The following CLCNKB variants were observed in gnomAD, a reference collection of about 807,000 sequenced individuals.
CLCNKB encodes the protein chloride voltage-gated channel Kb, also known as chloride channel protein ClC-Kb.
CLCNKB carries 74 observed loss-of-function variants against 83.8 expected under a neutral mutation model. The observed-to-expected ratio is 0.88, with a 90% CI of 0.73 to 1.07. The LOEUF (loss-of-function observed/expected upper bound fraction) is 1.07, where lower values mean the gene tolerates loss of function less well. Among genes scored for constraint, CLCNKB ranks in the 50% least tolerant of loss-of-function variants. The pLI, the probability that CLCNKB is intolerant of heterozygous loss-of-function variation, is 0.00. For missense variants in CLCNKB, 798 were observed against 893.6 expected, an observed-to-expected ratio of 0.89 and a Z score of 1.36; for synonymous variants, 358 against 356.6, an observed-to-expected ratio of 1.00 and a Z score of -0.04.
rs2023110468 is a variant in CLCNKB, at chr1:16,046,626, T to C, written c.321T>C (p.Ser107=). The stretch of plus-strand genomic sequence containing the variant: ...ACCCTGTGGCCCTCGTCTCTTTCTC[T>C]TCAGGCTTCTCTCAGAGCATCACAC... ...TVYPVALVSF[S]SGFSQSITPS... is the part of the protein sequence containing the mutation. Residue 107 remains serine, a synonymous_variant, in exon 4 of 20, where the codon TCT becomes TCC. Coordinates refer to ENST00000375679, the MANE Select transcript of CLCNKB (RefSeq NM_000085.5). 2.5e-5 allele frequency: 40 copies of C among 1,614,028 alleles called. No individual in the cohort carries two copies. Among genetic ancestry groups the C allele is most frequent in the Non-Finnish European group, 3.1e-5 (37 of 1,180,008 alleles).
Position 16,053,710 on chromosome 1 carries a change from A to G in CLCNKB, c.1694A>G (p.Glu565Gly). ...ACACTGGCCAAGGACATGCCACTGG[A>G]GGAGGTGGTCAAGGTTGTGACCTCC... is the stretch of plus-strand genomic sequence containing the variant. The part of the protein sequence containing the change: ...ITTLAKDMPL[E>G]EVVKVVTSTD... The change falls in exon 16 of 20, where the codon GAG becomes GGG. Residue 565 changes from glutamate to glycine, a missense_variant. Physicochemically the swap from Glu to Gly is moderately conservative, Grantham distance 98 (BLOSUM62 -2). Coordinates refer to ENST00000375679, the MANE Select transcript of CLCNKB (RefSeq NM_000085.5). The G allele has an allele frequency of 3.7e-6, 6 of 1,613,858 alleles. No individual in the cohort carries two copies. Among genetic ancestry groups the G allele is most frequent in the Non-Finnish European group, 5.1e-6 (6 of 1,179,946 alleles).
At chr1:16,049,572 T>C in intron 8 of CLCNKB, 46 bp from the exon 9 acceptor site, 2 of 1,459,492 alleles carry the variant, frequency 1.4e-6, no homozygotes, top group Non-Finnish European at 1.9e-6. Context: ...TGAGTTTGGG[T>C]CGGGTGGGAG....
chr1:16,053,628 T>C lies in CLCNKB; in HGVS notation c.1623-11T>C. ...GACTGTGGGGCCTGATGGGAGCCCC[T>C]CTGCCTGCAGTTCCCACCGCGTGAG... On this transcript the variant is annotated splice_polypyrimidine_tract_variant and intron_variant, in intron 15 of 19. Transcript: ENST00000375679. The C allele has an allele frequency of 6.2e-7, 1 of 1,613,836 alleles. No individual in the cohort carries two copies. The highest frequency in any genetic ancestry group is 8.5e-7 in the Non-Finnish European group (1 of 1,180,032).
intron 4 of CLCNKB, 109 bp from the exon 5 acceptor site, chr1:16,047,796 G>T: frequency 7.9e-7 from 1 of 1,270,466 alleles, no homozygotes; most frequent in Non-Finnish European, 1.1e-6. Flanking sequence ...AACTTCAGAG[G>T]GTTCTGCTGA....
chr1:16,052,190 C>G lies in CLCNKB; in HGVS notation c.1409-8C>G, dbSNP rs368634288. On this transcript the variant is annotated splice_region_variant and splice_polypyrimidine_tract_variant and intron_variant, in intron 14 of 19. Coordinates refer to ENST00000375679, the MANE Select transcript of CLCNKB (RefSeq NM_000085.5). ...CCTGAGCTGCCCTGCCTGACTCTGC[C>G]CTTGCAGGGGCTGCAGCCTTCTCAG... The G allele has an allele frequency of 2.5e-6, 4 of 1,612,694 alleles. No individual in the cohort carries two copies. In the African/African-American group the frequency reaches 4.0e-5, roughly 16 times the overall value.
intron 12 of CLCNKB, 86 bp from the exon 13 acceptor site, chr1:16,051,392 A>G (rs1379799168): frequency 4.7e-6 from 7 of 1,503,732 alleles, no homozygotes; most frequent in Middle Eastern, 1.7e-4. Flanking sequence ...TCTCTAGGAC[A>G]CTCCCCTGTC....
chr1:16,050,902 C>G lies in CLCNKB; in HGVS notation c.1081C>G (p.Leu361Val). The G allele has an allele frequency of 6.2e-7, 1 of 1,612,464 alleles. No individual in the cohort carries two copies. The highest frequency in any genetic ancestry group is 1.1e-5 in the South Asian group (1 of 91,012). ...RLSMKQHLDS[L>V]FDNHSWALMT... ...GTCCATGAAGCAGCATCTGGACTCG[C>G]TGTTCGACAACCACTCCTGGGCGCT... The change falls in exon 12 of 20, where the codon CTG (leucine) becomes GTG (valine). Residue 361 changes from leucine to valine, a missense_variant. Transcript: ENST00000375679.
rs1359715052 is a variant in CLCNKB, at chr1:16,046,623, C to T, written c.318C>T (p.Phe106=). 1 of 1,614,194 alleles carries T rather than the reference C, an allele frequency of 6.2e-7. No homozygotes were observed. The highest frequency in any genetic ancestry group is 8.5e-7 in the Non-Finnish European group (1 of 1,180,024). ...TGTACCCTGTGGCCCTCGTCTCTTT[C>T]TCTTCAGGCTTCTCTCAGAGCATCA... ...WTVYPVALVS[F]SSGFSQSITP... is the part of the protein sequence containing the mutation. The change falls in exon 4 of 20, where the codon TTC becomes TTT. Residue 106 remains phenylalanine, a synonymous_variant. Transcript: ENST00000375679.
Position 16,051,508 on chromosome 1 carries a change from C to G in CLCNKB, c.1258C>G (p.Pro420Ala), listed in dbSNP as rs868040899. The G allele has an allele frequency of 6.2e-7, 1 of 1,614,034 alleles. No individual in the cohort carries two copies. Among genetic ancestry groups the G allele is most frequent in the Non-Finnish European group, 8.5e-7 (1 of 1,180,020 alleles). Residue 420 changes from proline to alanine, a missense_variant, in exon 13 of 20, where the codon CCC (proline) becomes GCC (alanine). By Grantham distance (27) the Pro-to-Ala change is conservative. Transcript: ENST00000375679. ...GATGCTGATTCTGGCCACCACCATC[C>G]CCATGCCTGCCGGGTACTTCATGCC... is the stretch of plus-strand genomic sequence containing the variant. ...FWMLILATTI[P>A]MPAGYFMPIF...
intron 11 of CLCNKB, 94 bp from the exon 12 acceptor site, chr1:16,050,781 G>A (rs1570337991): frequency 1.3e-6 from 2 of 1,587,152 alleles, no homozygotes; most frequent in Non-Finnish European, 1.7e-6. Flanking sequence ...GGAAGTGGCA[G>A]AGGAGGATTC....
chr1:16,051,100 T>TG (rs201333658), intron 12 of CLCNKB, 52 bp downstream of exon 12: 4 of 1,607,822 alleles, frequency 2.5e-6, no homozygotes, highest in African/African-American at 1.4e-5. Context: ...GCTCTGGTGG[T>TG]GGTGGGGGGT....
At position 16,050,933 on chromosome 1, in the gene CLCNKB, C is replaced by T. The variant is rs201840674; in HGVS notation, c.1112C>T (p.Thr371Ile). 2.4e-5 allele frequency: 38 copies of T among 1,613,218 alleles called. No individual in the cohort carries two copies. Among genetic ancestry groups the T allele is most frequent in the Non-Finnish European group, 3.0e-5 (35 of 1,179,934 alleles). The change falls in exon 12 of 20, where the codon ACC becomes ATC. Residue 371 changes from threonine (T) to isoleucine (I), a missense_variant. By Grantham distance (89) the Thr-to-Ile change is moderately conservative. Transcript: ENST00000375679. ...LFDNHSWALM[T>I]QNSSPPWPEE... is the part of the protein sequence containing the mutation. ...GACAACCACTCCTGGGCGCTGATGA[C>T]CCAGAACTCCAGCCCACCCTGGCCC...
chr1:16,049,840 G>A lies in CLCNKB; in HGVS notation c.892G>A (p.Ala298Thr), dbSNP rs1426052600. 36 of 1,613,802 alleles carry A rather than the reference G, an allele frequency of 2.2e-5. No individual in the cohort carries two copies. The highest frequency in any genetic ancestry group is 6.7e-5 in the East Asian group (3 of 44,854). Residue 298 changes from alanine to threonine, a missense_variant, in exon 10 of 20, where the codon GCT becomes ACT. By Grantham distance (58) the Ala-to-Thr change is moderately conservative. Transcript: ENST00000375679. ...LGGLCGILGS[A>T]YLFCQRIFFG... Reference sequence around the variant, plus strand: ...GGGTCTCTGTGGCATCCTGGGCAGCGCTTACCTCTTCTGTCAGCGAATCTT... The same window carrying A: ...GGGTCTCTGTGGCATCCTGGGCAGCACTTACCTCTTCTGTCAGCGAATCTT...
chr1:16,053,941 T>C (rs1404595785), intron 16 of CLCNKB, among the ~76,000 whole-genome samples, 169 bp downstream of exon 16: 6 of 152,032 alleles, frequency 3.9e-5, no homozygotes, highest in African/African-American at 1.4e-4. Context: ...ATCAGTAAAA[T>C]GGAAATCATG....
intron 4 of CLCNKB, among the ~76,000 whole-genome samples, 167 bp downstream of exon 4, chr1:16,046,830 T>C (rs1453693016): frequency 1.3e-5 from 2 of 152,230 alleles, no homozygotes; most frequent in Non-Finnish European, 2.9e-5. Flanking sequence ...TTTGGGTCAC[T>C]GCTGGCCCTA....
At chr1:16,044,378 C>CACACACAAAT in intron 1 of CLCNKB, 108 bp from the exon 2 acceptor site, 1 of 739,308 alleles carries the variant, frequency 1.4e-6, no homozygotes. Context: ...CACACACACA[C>CACACACAAAT]GCACAATCTT....
intron 18 of CLCNKB, 36 bp downstream of exon 18, chr1:16,055,794 C>A: frequency 6.3e-7 from 1 of 1,590,548 alleles, no homozygotes; most frequent in South Asian, 1.1e-5. Context: ...ACACATGAGG[C>A]CTCTGGGTGG....
At chr1:16,052,106 C>A in intron 14 of CLCNKB, 92 bp from the exon 15 acceptor site, 1 of 1,509,400 alleles carries the variant, frequency 6.6e-7, no homozygotes, top group Non-Finnish European at 9.1e-7. Flanking sequence ...TTACAAATCA[C>A]ACCTTAGCCC....
intron 4 of CLCNKB, 87 bp downstream of exon 4, chr1:16,046,750 A>G: frequency 3.9e-6 from 6 of 1,522,966 alleles, no homozygotes; most frequent in Non-Finnish European, 4.5e-6. Flanking sequence ...GCCTCATTTC[A>G]CAGACAAAGG....
Sources: allele counts gnomAD v4.1 joint callset (sites outside exome capture counted in the v4.1 genomes callset), GRCh38; gene constraint gnomAD v4.1.1; transcripts MANE v1.5; gene names NCBI Gene and HGNC (gene_info 2026-07-23, HGNC 2026-07-21).